Variants in CFAP206 observed in about 807,000 individuals in gnomAD.
CFAP206 encodes cilia- and flagella-associated protein 206.
CFAP206 carries 53 observed loss-of-function variants against 65.4 expected under a neutral mutation model. The ratio of observed to expected loss-of-function variants is 0.81; its 90% CI spans 0.65 to 1.02. The LOEUF (loss-of-function observed/expected upper bound fraction) is 1.02, where lower values mean the gene tolerates loss of function less well. CFAP206 is among the 50% of genes least tolerant of loss of function. CFAP206 has a pLI of 0.00. For missense variants in CFAP206, 663 were observed against 753.2 expected (o/e 0.88, Z 1.40); for synonymous variants, 250 against 254.4 (o/e 0.98, Z 0.17).
chr6:87,431,821 T>C (rs1257665860), intron 10 of CFAP206, among the ~76,000 whole-genome samples: 1 of 152,184 alleles, frequency 6.6e-6, no homozygotes, highest in Admixed American at 6.6e-5. Context: ...TCCAAAGTAA[T>C]TACTGAAAGA....
At chr6:87,420,639 G>A (rs538902580) in intron 7 of CFAP206, among the ~76,000 whole-genome samples, 5 of 152,262 alleles carry the variant, frequency 3.3e-5, no homozygotes, top group East Asian at 3.9e-4. Flanking sequence ...CTGGTGCAAC[G>A]GCTCAATAAA....
rs1278645818 is a variant in CFAP206 at position 87,410,143 on chromosome 6, TAGA to T, written c.108+200_108+202del. On this transcript the variant is annotated intron_variant, in intron 2 of 12. Transcript: ENST00000369562. ...TGAGTTCTAGATTTATAGAGACATT[TAGA>T]AGACCTTGATGAGTTTTGGAAACAT... is the stretch of plus-strand genomic sequence containing the variant. Among the ~76,000 whole-genome samples, 5 of 152,372 alleles carry T rather than the reference TAGA, an allele frequency of 3.3e-5. No individual in the cohort carries two copies. In the South Asian group the frequency reaches 6.2e-4, roughly 19 times the overall value.
Position 87,410,256 on chromosome 6 carries a change from G to C in CFAP206, c.108+309G>C, listed in dbSNP as rs559334199. Among the ~76,000 whole-genome samples the C allele has an allele frequency of 3.9e-5, 6 of 152,268 alleles. No individual in the cohort carries two copies. In the East Asian group the frequency reaches 1.2e-3, roughly 29 times the overall value. On this transcript the variant is annotated intron_variant, in intron 2 of 12. Coordinates refer to ENST00000369562, the MANE Select transcript of CFAP206 (RefSeq NM_001031743.3). ...AATTACTCATTGCTGTGGTTTCTCT[G>C]TTCTTGCTTTTGGTTAACAATACAC...
In CFAP206 at chr6:87,452,242, C is replaced by T. The variant is rs1019128761; in HGVS notation, c.1495-8780C>T. Among the ~76,000 whole-genome samples, 8 of 152,350 alleles carry T rather than the reference C, an allele frequency of 5.3e-5. No individual in the cohort carries two copies. In the East Asian group the frequency reaches 7.7e-4, roughly 15 times the overall value. On this transcript the variant is annotated intron_variant, in intron 11 of 12. Transcript: ENST00000369562. The stretch of plus-strand genomic sequence containing the variant: ...AGGCAGTACCTCTGCGAGTCTGCAA[C>T]GGTCACAGTGTTACTGGGCTTGGGG...
At chr6:87,462,709 A>C (rs558200585) in intron 12 of CFAP206, among the ~76,000 whole-genome samples, 19 of 152,306 alleles carry the variant, frequency 1.2e-4, no homozygotes, top group African/African-American at 4.6e-4. Flanking sequence ...TATGGACTGG[A>C]AATGTTAAGA....
At chr6:87,447,408 T>C (rs926186154) in intron 11 of CFAP206, among the ~76,000 whole-genome samples, 1 of 152,100 alleles carries the variant, frequency 6.6e-6, no homozygotes, top group Non-Finnish European at 1.5e-5. Context: ...GATGTTGAAT[T>C]CTACGGAATT....
At chr6:87,411,135 G>A (rs1036960640) in intron 3 of CFAP206, among the ~76,000 whole-genome samples, 1 of 152,318 alleles carries the variant, frequency 6.6e-6, no homozygotes, top group African/African-American at 2.4e-5. Flanking sequence ...AGTAAGGAAG[G>A]AAGGGCAGGG....
intron 10 of CFAP206, among the ~76,000 whole-genome samples, chr6:87,431,997 GAATA>G (rs1768167595): frequency 6.6e-6 from 1 of 152,064 alleles, no homozygotes. Flanking sequence ...CCAAAATAAA[GAATA>G]AATCAGAGAT....
intron 9 of CFAP206, among the ~76,000 whole-genome samples, chr6:87,430,744 A>G (rs757452524): frequency 3.3e-5 from 5 of 152,176 alleles, no homozygotes; most frequent in Non-Finnish European, 7.3e-5. Flanking sequence ...GCAGCAGAGC[A>G]TGCTTGTCAG....
chr6:87,422,759 A>AC (rs34826252), intron 7 of CFAP206, among the ~76,000 whole-genome samples: 39,756 of 151,272 alleles, frequency 0.26, 5,314 homozygotes, highest in African/African-American at 0.3. Context: ...TCAAAAAAAA[A>AC]AAAACAAAAC....
chr6:87,424,654 T>C (rs1768005977), intron 7 of CFAP206, among the ~76,000 whole-genome samples: 1 of 152,246 alleles, frequency 6.6e-6, no homozygotes, highest in African/African-American at 2.4e-5. Context: ...ATTGTTTTTC[T>C]TTCAATGCTC....
intron 7 of CFAP206, among the ~76,000 whole-genome samples, chr6:87,418,658 A>G (rs962695408): frequency 6.6e-6 from 1 of 152,202 alleles, no homozygotes; most frequent in African/African-American, 2.4e-5. Context: ...TATGATTGTT[A>G]GCATGCTGTA....
At chr6:87,443,375 G>A (rs553865683) in intron 11 of CFAP206, among the ~76,000 whole-genome samples, 83 of 152,128 alleles carry the variant, frequency 5.5e-4, no homozygotes, top group African/African-American at 1.9e-3. Flanking sequence ...CAGAGCACTA[G>A]TTTCTCAGTC....
At chr6:87,425,670 C>T (rs1412862853) in intron 7 of CFAP206, 2 of 152,262 alleles carry the variant, frequency 1.3e-5, no homozygotes, top group Non-Finnish European at 2.9e-5. Flanking sequence ...AAACTGAAAA[C>T]TTTGTGTTTC....
At chr6:87,444,210 G>C (rs915406887) in intron 11 of CFAP206, among the ~76,000 whole-genome samples, 2 of 152,086 alleles carry the variant, frequency 1.3e-5, no homozygotes, top group Admixed American at 1.3e-4. Context: ...GAATGGATAC[G>C]CTAATGGCAA....
intron 1 of CFAP206, 46 bp downstream of exon 1, chr6:87,408,135 C>T (rs1166990289): frequency 2.1e-6 from 2 of 945,982 alleles, no homozygotes; most frequent in Non-Finnish European, 2.5e-6. Flanking sequence ...AGGCGTACCC[C>T]GCCAGGCGGC....
rs1177890973 is a variant in CFAP206, at chr6:87,407,985, G to T, written c.-110G>T. ...CTGGTCCGGAGCCTTCCATCTCCAT[G>T]GTTACGCGGCGGTGGCTGCGAGCGC... On this transcript the variant is annotated 5_prime_UTR_variant, in exon 1 of 13. An upstream start codon of the reference 5' UTR is lost. Coordinates refer to ENST00000369562, the MANE Select transcript of CFAP206 (RefSeq NM_001031743.3). 7.1e-6 allele frequency: 7 copies of T among 985,388 alleles called. No homozygotes were observed. Among genetic ancestry groups the T allele is most frequent in the African/African-American group, 1.7e-5 (1 of 57,214 alleles). 61.0% of individuals were successfully genotyped at this position (985,388 alleles called of 1,614,324 possible). A position where few individuals can be genotyped will look rare whatever the true frequency, so the allele number is the denominator to read the frequency against.
At chr6:87,460,160 T>G (rs1021342610) in intron 11 of CFAP206, among the ~76,000 whole-genome samples, 1 of 152,210 alleles carries the variant, frequency 6.6e-6, no homozygotes, top group Non-Finnish European at 1.5e-5. Context: ...GTGACCTAAG[T>G]ACCTTAAACC....
chr6:87,444,792 T>C (rs1562250275), intron 11 of CFAP206: 1 of 530,866 alleles, frequency 1.9e-6, no homozygotes, highest in Non-Finnish European at 3.6e-6. Flanking sequence ...TAGGTTGAAC[T>C]TCTTTCAGCA....
Sources: gnomAD v4.1 joint callset for allele counts (sites outside exome capture counted in the v4.1 genomes callset) on GRCh38, gnomAD v4.1.1 for gene constraint, MANE v1.5 for transcripts, NCBI Gene and HGNC (gene_info 2026-07-23, HGNC 2026-07-21) for gene names.